MYEF2: variants seen among roughly 807,000 people sequenced by gnomAD.
MYEF2 encodes myelin expression factor 2.
Under a neutral mutation model 75.2 loss-of-function variants are expected in MYEF2, and 37 were observed. That is an observed-to-expected ratio of 0.49 (90% CI 0.38 to 0.65). The LOEUF is 0.65. Ranked by LOEUF, MYEF2 falls within the 30% of genes least tolerant of loss-of-function variation. MYEF2 has a pLI of 0.00. For missense variants in MYEF2, 634 were observed against 771.4 expected (o/e 0.82, Z 2.11); for synonymous variants, 195 against 241.6 (o/e 0.81, Z 1.79).
intron 1 of MYEF2, among the ~76,000 whole-genome samples, chr15:48,171,278 C>G (rs898078558): frequency 6.6e-6 from 1 of 152,174 alleles, no homozygotes. Flanking sequence ...TCTATATAGT[C>G]TCTAGATTAA....
chr15:48,135,730 G>C lies in MYEF2; in HGVS notation c.*7178C>G, dbSNP rs1249453298. 6.6e-6 allele frequency: 1 copy of C among 151,996 alleles called. No individual in the cohort carries two copies. The highest frequency in any genetic ancestry group is 1.5e-5 in the Non-Finnish European group (1 of 67,992). The allele number at this position is 151,996 out of a possible 1,614,324, so 9.4% of individuals were successfully genotyped here. On this transcript the variant is annotated 3_prime_UTR_variant, in exon 17 of 17. Transcript: ENST00000324324. ...AATATGAAAAAAAAAAAATGTAATG[G>C]TGTCCATCTGGAGAACCATAACCTT...
rs762817197 is a variant in MYEF2 at position 48,140,883 on chromosome 15, T to C, written c.*2025A>G. On this transcript the variant is annotated 3_prime_UTR_variant, in exon 17 of 17. Transcript: ENST00000324324. ...TTTCTCACTGGCAGAATTTTAGCTG[T>C]TACGTATCTTTAGATATGTCATTAA... 5.1e-5 allele frequency: 20 copies of C among 389,846 alleles called. No individual in the cohort carries two copies. Among genetic ancestry groups the C allele is most frequent in the Non-Finnish European group, 8.5e-5 (18 of 211,174 alleles). 24.1% of individuals were successfully genotyped at this position (389,846 alleles called of 1,614,324 possible).
At chr15:48,156,956 T>C (rs2140872600) in intron 9 of MYEF2, among the ~76,000 whole-genome samples, 1 of 152,126 alleles carries the variant, frequency 6.6e-6, no homozygotes, top group South Asian at 2.1e-4. Context: ...AGTTGAAAGA[T>C]GGGCAAGGGA....
intron 3 of MYEF2, among the ~76,000 whole-genome samples, chr15:48,166,612 A>T (rs1239613645): frequency 1.3e-5 from 2 of 152,038 alleles, no homozygotes; most frequent in Non-Finnish European, 2.9e-5. Context: ...ATTTAACAGC[A>T]CCCAGTTGGA....
At chr15:48,156,476 T>A (rs367893422) in intron 9 of MYEF2, among the ~76,000 whole-genome samples, 3 of 145,942 alleles carry the variant, frequency 2.1e-5, no homozygotes, top group Admixed American at 6.8e-5. Context: ...ACAGAAAAAA[T>A]CCTTAGAAAA....
Position 48,139,465 on chromosome 15 carries a change from T to C in MYEF2, c.*3443A>G. The C allele has an allele frequency of 4.3e-6, 1 of 230,812 alleles. No homozygotes were observed. Among genetic ancestry groups the C allele is most frequent in the Non-Finnish European group, 8.5e-6 (1 of 117,822 alleles). The allele number at this position is 230,812 out of a possible 1,614,324, so 14.3% of individuals were successfully genotyped here. A position where few individuals can be genotyped will look rare whatever the true frequency, so the allele number is the denominator to read the frequency against. ...ATGTCTTTTTATTATGCTAATAATTTAATCACATTCCATGGGGTCCACAAT... is the reference window on the plus strand; with the variant it reads ...ATGTCTTTTTATTATGCTAATAATTCAATCACATTCCATGGGGTCCACAAT... On this transcript the variant is annotated 3_prime_UTR_variant, in exon 17 of 17. Transcript: ENST00000324324.
Position 48,136,817 on chromosome 15 carries a change from G to A in MYEF2, c.*6091C>T. ...TGTCTTGCCAAAGCTATGGAGAGAA[G>A]TGAACAACAGCCACTGATGGGCTGG... On this transcript the variant is annotated 3_prime_UTR_variant, in exon 17 of 17. Transcript: ENST00000324324. The A allele has an allele frequency of 6.2e-7, 1 of 1,613,800 alleles. No homozygotes were observed. Among genetic ancestry groups the A allele is most frequent in the Non-Finnish European group, 8.5e-7 (1 of 1,179,822 alleles).
chr15:48,158,929 AT>A lies in MYEF2; in HGVS notation c.718-8del. The A allele has an allele frequency of 1.9e-6, 3 of 1,611,710 alleles. No individual in the cohort carries two copies. Among genetic ancestry groups the A allele is most frequent in the Non-Finnish European group, 2.5e-6 (3 of 1,178,568 alleles). ...AACCAACTTTGAAGTCAAGCTTAAT[AT>A]AAAATTGTATAAAGTTACATACCTA... On this transcript the variant is annotated splice_region_variant and splice_polypyrimidine_tract_variant and intron_variant, in intron 6 of 16. Transcript: ENST00000324324.
intron 9 of MYEF2, among the ~76,000 whole-genome samples, chr15:48,155,550 T>C (rs2039661764): frequency 6.6e-6 from 1 of 152,100 alleles, no homozygotes; most frequent in Non-Finnish European, 1.5e-5. Context: ...TATAGATCAC[T>C]GCACTCACCA....
chr15:48,172,901 A>C (rs1430909788), intron 1 of MYEF2, among the ~76,000 whole-genome samples: 1 of 152,186 alleles, frequency 6.6e-6, no homozygotes, highest in Non-Finnish European at 1.5e-5. Context: ...GAAGCCCAGG[A>C]CCTGGTAAAT....
chr15:48,159,667 T>G lies in MYEF2; in HGVS notation c.663A>C (p.Glu221Asp), dbSNP rs1162500503. ...TACCGGCCTGCAAATTACTGATGAC[T>G]TCAGGAGGAATGTTTGGATTATTGA... ...SILNNPNIPP[E>D]VISNLQAGRL... Residue 221 changes from glutamate (E) to aspartate (D), a missense_variant, in exon 6 of 17, where the codon GAA becomes GAC. Transcript: ENST00000324324. 6.2e-7 allele frequency: 1 copy of G among 1,613,696 alleles called. No individual in the cohort carries two copies. The highest frequency in any genetic ancestry group is 2.2e-5 in the East Asian group (1 of 44,870).
At chr15:48,174,266 G>T (rs1169765793) in intron 1 of MYEF2, among the ~76,000 whole-genome samples, 1 of 151,976 alleles carries the variant, frequency 6.6e-6, no homozygotes, top group East Asian at 1.9e-4. Flanking sequence ...AAATGGTATT[G>T]GGAAAACTAG....
rs554406418 is a variant in MYEF2, at chr15:48,135,212, A to T, written c.*7696T>A. 1.0e-4 allele frequency: 36 copies of T among 352,974 alleles called. No homozygotes were observed. The highest frequency in any genetic ancestry group is 1.6e-4 in the Non-Finnish European group (30 of 190,244). The allele number at this position is 352,974 out of a possible 1,614,324, so 21.9% of individuals were successfully genotyped here. On this transcript the variant is annotated 3_prime_UTR_variant, in exon 17 of 17. Transcript: ENST00000324324. The stretch of plus-strand genomic sequence containing the variant: ...AGTCTCCTTTTTTCTCTCACTAGTC[A>T]CTGGAGACCACCACTTTTCCTTCTC...
intron 12 of MYEF2, 89 bp from the exon 13 acceptor site, chr15:48,151,660 G>T: frequency 7.7e-7 from 1 of 1,301,204 alleles, no homozygotes; most frequent in Non-Finnish European, 1.1e-6. Context: ...ATGAAAAGAC[G>T]CGTAAGTCAC....
chr15:48,136,781 C>T lies in MYEF2; in HGVS notation c.*6127G>A, dbSNP rs2038910706. 1 of 1,613,660 alleles carries T rather than the reference C, an allele frequency of 6.2e-7. No homozygotes were observed. The highest frequency in any genetic ancestry group is 2.2e-5 in the East Asian group (1 of 44,860). ...CAATATATTATAAAGAAATGCAGTC[C>T]TTGCTGCGCCTGTCTTGCCAAAGCT... On this transcript the variant is annotated 3_prime_UTR_variant, in exon 17 of 17. Transcript: ENST00000324324.
Position 48,141,785 on chromosome 15 carries a change from A to C in MYEF2, c.*1123T>G, listed in dbSNP as rs2039097439. ...ATGTTAAATTACAATGAAAAGCAACAAATAAGCTATATACCTTATTGAAAA... is the reference window on the plus strand; with the variant it reads ...ATGTTAAATTACAATGAAAAGCAACCAATAAGCTATATACCTTATTGAAAA... On this transcript the variant is annotated 3_prime_UTR_variant, in exon 17 of 17. Coordinates refer to ENST00000324324, the MANE Select transcript of MYEF2 (RefSeq NM_016132.5). 1 of 267,644 alleles carries C rather than the reference A, an allele frequency of 3.7e-6. No homozygotes were observed. The highest frequency in any genetic ancestry group is 7.0e-6 in the Non-Finnish European group (1 of 143,796). 16.6% of individuals were successfully genotyped at this position (267,644 alleles called of 1,614,324 possible).
intron 3 of MYEF2, among the ~76,000 whole-genome samples, 191 bp from the exon 4 acceptor site, chr15:48,166,319 C>T (rs958520275): frequency 6.6e-6 from 1 of 151,846 alleles, no homozygotes; most frequent in African/African-American, 2.4e-5. Flanking sequence ...TTAAATATAT[C>T]TATTAAAGAT....
chr15:48,160,126 T>C (rs1021568794), intron 5 of MYEF2, among the ~76,000 whole-genome samples: 1 of 152,122 alleles, frequency 6.6e-6, no homozygotes. Context: ...AAGTACTCAC[T>C]GCAACTTTTC....
chr15:48,158,144 T>A, intron 8 of MYEF2, 31 bp downstream of exon 8: 4 of 1,612,040 alleles, frequency 2.5e-6, no homozygotes, highest in Non-Finnish European at 3.4e-6. Flanking sequence ...TCTGAAGAGG[T>A]TGGAGGTTGA....
Sources: allele counts gnomAD v4.1 joint callset (sites outside exome capture counted in the v4.1 genomes callset), GRCh38; gene constraint gnomAD v4.1.1; transcripts MANE v1.5; gene names NCBI Gene and HGNC (gene_info 2026-07-23, HGNC 2026-07-21).